Variants in KIN observed in about 807,000 individuals in gnomAD.
KIN encodes the protein DNA/RNA-binding protein KIN17.
A neutral mutation model predicts 63.0 loss-of-function variants in KIN; 47 were observed. The observed-to-expected ratio is 0.75, with a 90% CI of 0.59 to 0.95. KIN has a LOEUF of 0.95. Ranked by LOEUF, KIN falls within the 40% of genes least tolerant of loss-of-function variation. The pLI is 0.00. For synonymous variants in KIN, 160 were observed against 157.7 expected, an observed-to-expected ratio of 1.01 and a Z score of -0.11; for missense variants, 408 against 460.9, an observed-to-expected ratio of 0.89 and a Z score of 1.05.
chr10:7,780,312 T>A lies in KIN; in HGVS notation c.210-5A>T, dbSNP rs532666553. 5.4e-5 allele frequency: 87 copies of A among 1,599,626 alleles called. 1 individual carries two copies. The South Asian group carries it at 9.4e-4, about 17-fold the overall frequency. The stretch of plus-strand genomic sequence containing the variant: ...AGAAAGTCATTTCGGAATTCCCTAA[T>A]AAAGAAAGAAAGGAAAGCATTAAGG... On this transcript the variant is annotated splice_region_variant and splice_polypyrimidine_tract_variant and intron_variant, in intron 2 of 12. Transcript: ENST00000379562.
intron 1 of KIN, among the ~76,000 whole-genome samples, chr10:7,784,581 G>C (rs145109901): frequency 2.0e-5 from 3 of 152,062 alleles, no homozygotes; most frequent in South Asian, 2.1e-4. Flanking sequence ...GTAAGACCCT[G>C]TCTCAAAAAC....
chr10:7,761,879 G>A (rs1276692382), intron 11 of KIN, among the ~76,000 whole-genome samples: 1 of 152,134 alleles, frequency 6.6e-6, no homozygotes, highest in African/African-American at 2.4e-5. Context: ...ATGCATGCCT[G>A]TAATCCCAGC....
At chr10:7,777,903 C>G (rs7897712) in intron 5 of KIN, among the ~76,000 whole-genome samples, 1 of 131,254 alleles carries the variant, frequency 7.6e-6, no homozygotes, top group East Asian at 2.1e-4. Flanking sequence ...CGTCCCCCCC[C>G]CAAAAAAAAA....
chr10:7,769,203 C>G lies in KIN; in HGVS notation c.798+13G>C, dbSNP rs761431585. On this transcript the variant is annotated intron_variant, in intron 8 of 12. Transcript: ENST00000379562. Reference sequence around the variant, plus strand: ...GGGTTCTAAGGTGTCCACACGCAATCCATAAACTGTACCTCCATGATTTCA... The same window carrying G: ...GGGTTCTAAGGTGTCCACACGCAATGCATAAACTGTACCTCCATGATTTCA... 8.1e-6 allele frequency: 13 copies of G among 1,604,670 alleles called. No homozygotes were observed. Among genetic ancestry groups the G allele is most frequent in the East Asian group, 2.2e-5 (1 of 44,820 alleles).
rs1474518714 is a variant in KIN, at chr10:7,751,037, T to C, written c.*5043A>G. 1.3e-5 allele frequency: 2 copies of C among 152,188 alleles called. No homozygotes were observed. The highest frequency in any genetic ancestry group is 2.9e-5 in the Non-Finnish European group (2 of 68,034). The allele number at this position is 152,188 out of a possible 1,614,324, so 9.4% of individuals were successfully genotyped here. ...TCTAACAAAAGACCAATGACATTTATAAGGGAGAATAAAATAAGCAACAAA... is the reference window on the plus strand; with the variant it reads ...TCTAACAAAAGACCAATGACATTTACAAGGGAGAATAAAATAAGCAACAAA... On this transcript the variant is annotated 3_prime_UTR_variant, in exon 13 of 13. Transcript: ENST00000379562.
chr10:7,778,548 G>C (rs2131024046), intron 5 of KIN, among the ~76,000 whole-genome samples: 1 of 152,262 alleles, frequency 6.6e-6, no homozygotes, highest in African/African-American at 2.4e-5. Context: ...AGACCGGCCT[G>C]ACCAACATGG....
At chr10:7,774,600 G>A (rs531776013) in intron 7 of KIN, among the ~76,000 whole-genome samples, 1 of 151,690 alleles carries the variant, frequency 6.6e-6, no homozygotes, top group Non-Finnish European at 1.5e-5. Flanking sequence ...GCTGAGGCAG[G>A]AAGATCACCT....
At chr10:7,770,734 T>C (rs920103370) in intron 7 of KIN, among the ~76,000 whole-genome samples, 1 of 152,220 alleles carries the variant, frequency 6.6e-6, no homozygotes, top group Non-Finnish European at 1.5e-5. Context: ...AGGATAAATA[T>C]TTACACAAAG....
rs775184486 is a variant in KIN at position 7,766,079 on chromosome 10, C to A, written c.823G>T (p.Ala275Ser). 2.3e-5 allele frequency: 37 copies of A among 1,611,272 alleles called. No individual in the cohort carries two copies. Among genetic ancestry groups the A allele is most frequent in the Non-Finnish European group, 2.9e-5 (34 of 1,178,342 alleles). The change falls in exon 9 of 13, where the codon GCC becomes TCC. Residue 275 changes from alanine to serine, a missense_variant. By Grantham distance (99) the Ala-to-Ser change is moderately conservative. This residue lies in a region of KIN where 298 missense variants were observed against 296.0 expected (regional missense o/e 1.01). Transcript: ENST00000379562. ...GGCTGTAGCCAGTAGTCTGTTCGGG[C>A]AGTTCTTTTCTTTTCCTCTTCAATC... Reference protein sequence around the residue: ...MEIEEEKKRTARTDYWLQPEI... With the variant: ...MEIEEEKKRTSRTDYWLQPEI...
At chr10:7,758,675 CA>C (rs34194283) in intron 12 of KIN, among the ~76,000 whole-genome samples, 67,233 of 126,306 alleles carry the variant, frequency 0.53, 14,603 homozygotes, top group East Asian at 0.64. Context: ...ATGGTCCATG[CA>C]AAAAAAAAAA....
At position 7,756,117 on chromosome 10, in the gene KIN, T is replaced by C; in HGVS notation, c.1145A>G (p.Glu382Gly). The C allele has an allele frequency of 6.3e-7, 1 of 1,590,832 alleles. No homozygotes were observed. Among genetic ancestry groups the C allele is most frequent in the South Asian group, 1.2e-5 (1 of 85,840 alleles). Residue 382 changes from glutamate (E) to glycine (G), a missense_variant, in exon 13 of 13, where the codon GAA becomes GGA. By Grantham distance (98) the Glu-to-Gly change is moderately conservative. Transcript: ENST00000379562. ...ETGPLKGRRV[E>G]GIQYEDISKL... ...AGAAATGTCTTCATATTGAATTCCT[T>C]CAACTCTGCGTCCTTTTAAAGGGCC...
chr10:7,753,980 C>T lies in KIN; in HGVS notation c.*2100G>A, dbSNP rs944467416. On this transcript the variant is annotated 3_prime_UTR_variant, in exon 13 of 13. Coordinates refer to ENST00000379562, the MANE Select transcript of KIN (RefSeq NM_012311.4). The stretch of plus-strand genomic sequence containing the variant: ...TGTCTGACGTCAGCTTATACCCATC[C>T]TCATGTTTGAAGTGATCATCCTGGT... The T allele has an allele frequency of 2.0e-4, 89 of 454,416 alleles. No individual in the cohort carries two copies. The highest frequency in any genetic ancestry group is 3.2e-4 in the Non-Finnish European group (73 of 226,126). The allele number at this position is 454,416 out of a possible 1,614,324, so 28.1% of individuals were successfully genotyped here. A position where few individuals can be genotyped will look rare whatever the true frequency, so the allele number is the denominator to read the frequency against.
Position 7,763,785 on chromosome 10 carries a change from TA to T in KIN, c.855del (p.Ile286LeufsTer2). 1 of 1,313,306 alleles carries T rather than the reference TA, an allele frequency of 7.6e-7. No individual in the cohort carries two copies. The highest frequency in any genetic ancestry group is 1.1e-6 in the Non-Finnish European group (1 of 925,926). The allele number at this position is 1,313,306 out of a possible 1,614,324, so 81.4% of individuals were successfully genotyped here. ...AGTTTCTTGGTTATAATTTTCACAA[TA>T]ATTTCCTAGAAAATAATAACAAAAA... is the stretch of plus-strand genomic sequence containing the variant. ...ARTDYWLQPE[I>X]IVKIITKKLG... On this transcript the variant is annotated frameshift_variant, in exon 10 of 13. Coordinates refer to ENST00000379562, the MANE Select transcript of KIN (RefSeq NM_012311.4). LOFTEE classifies it high-confidence loss of function.
At chr10:7,774,776 C>A in intron 7 of KIN, 55 bp downstream of exon 7, 1 of 1,314,944 alleles carries the variant, frequency 7.6e-7, no homozygotes, top group Non-Finnish European at 1.1e-6. Context: ...ATACAGTAAC[C>A]AATATTTCAC....
chr10:7,786,967 C>T (rs1362330857), intron 1 of KIN, among the ~76,000 whole-genome samples: 1 of 152,190 alleles, frequency 6.6e-6, no homozygotes, highest in Non-Finnish European at 1.5e-5. Context: ...AGTGTTCTTC[C>T]ACCCTTACCC....
chr10:7,784,609 A>G (rs562926651), intron 1 of KIN, among the ~76,000 whole-genome samples: 1 of 152,298 alleles, frequency 6.6e-6, no homozygotes, highest in African/African-American at 2.4e-5. Context: ...AATAAGTTTA[A>G]GGATAACCAA....
In KIN at chr10:7,779,521, AAT is replaced by A. The variant is rs369880613; in HGVS notation, c.377-504_377-503del. On this transcript the variant is annotated intron_variant, in intron 4 of 12. Transcript: ENST00000379562. ...TAATGAAATTTAGATACTGTATGTG[AAT>A]TCAACCAACCGTGGGTGAGAAATAT... Among the ~76,000 whole-genome samples the A allele has an allele frequency of 4.1e-3, 625 of 152,372 alleles. 4 individuals carry two copies. Among genetic ancestry groups the A allele is most frequent in the African/African-American group, 0.013 (526 of 41,582 alleles).
At chr10:7,764,352 T>C (rs1835497825) in intron 9 of KIN, among the ~76,000 whole-genome samples, 1 of 152,214 alleles carries the variant, frequency 6.6e-6, no homozygotes, top group Admixed American at 6.5e-5. Flanking sequence ...CATCTAATTC[T>C]CAAATGGGAG....
At chr10:7,785,538 A>G (rs549951936) in intron 1 of KIN, among the ~76,000 whole-genome samples, 2 of 151,962 alleles carry the variant, frequency 1.3e-5, no homozygotes, top group East Asian at 3.9e-4. Flanking sequence ...CACACCTGTA[A>G]TCCCAGCACC....
Sources: gnomAD v4.1 joint callset for allele counts (sites outside exome capture counted in the v4.1 genomes callset) on GRCh38, gnomAD v4.1.1 for gene constraint, gnomAD v4.1.1 regional missense constraint, MANE v1.5 for transcripts, NCBI Gene and HGNC (gene_info 2026-07-23, HGNC 2026-07-21) for gene names.